HS3ST3A1: variants seen among roughly 807,000 people sequenced by gnomAD.
The protein encoded by HS3ST3A1 is heparan sulfate-glucosamine 3-sulfotransferase 3A1, also known as heparan sulfate glucosamine 3-O-sulfotransferase 3A1.
In HS3ST3A1, 19 loss-of-function variants were observed where a neutral mutation model predicts 25.7. The observed-to-expected ratio is 0.74, with a 90% confidence interval of 0.52 to 1.08. The LOEUF (loss-of-function observed/expected upper bound fraction) is 1.08. Ranked by LOEUF, HS3ST3A1 falls within the 50% of genes least tolerant of loss-of-function variation. The pLI, the probability that HS3ST3A1 is intolerant of heterozygous loss-of-function variation, is 0.00. For synonymous variants in HS3ST3A1, 226 were observed against 278.6 expected, an observed-to-expected ratio of 0.81 and a Z score of 1.88; for missense variants, 459 against 594.3, an observed-to-expected ratio of 0.77 and a Z score of 2.37.
chr17:13,562,340 G>C (rs1217897047), intron 1 of HS3ST3A1, among the ~76,000 whole-genome samples: 2 of 152,138 alleles, frequency 1.3e-5, no homozygotes, highest in Non-Finnish European at 2.9e-5. Context: ...GTGTGCCGTG[G>C]ACAGACAGAC....
At chr17:13,577,545 C>T (rs9891162) in intron 1 of HS3ST3A1, among the ~76,000 whole-genome samples, 58,911 of 152,042 alleles carry the variant, frequency 0.39, 13,476 homozygotes, top group Admixed American at 0.54. Context: ...AACAGTCATA[C>T]CCACAAGCTT....
At chr17:13,568,193 A>T (rs1426124606) in intron 1 of HS3ST3A1, among the ~76,000 whole-genome samples, 1 of 152,236 alleles carries the variant, frequency 6.6e-6, no homozygotes, top group Non-Finnish European at 1.5e-5. Flanking sequence ...TCAGCTGATC[A>T]TTAGTACTTT....
At chr17:13,524,717 G>A (rs1002094971) in intron 1 of HS3ST3A1, among the ~76,000 whole-genome samples, 1 of 152,144 alleles carries the variant, frequency 6.6e-6, no homozygotes, top group African/African-American at 2.4e-5. Flanking sequence ...TGGTACAATA[G>A]TTATAGAAGG....
intron 1 of HS3ST3A1, among the ~76,000 whole-genome samples, chr17:13,580,840 G>A (rs1350148978): frequency 6.6e-6 from 1 of 152,026 alleles, no homozygotes; most frequent in Non-Finnish European, 1.5e-5. Context: ...GTCGTGAGCC[G>A]AGATCACGCC....
chr17:13,551,403 A>G (rs1374221421), intron 1 of HS3ST3A1, among the ~76,000 whole-genome samples: 1 of 151,308 alleles, frequency 6.6e-6, no homozygotes, highest in Non-Finnish European at 1.5e-5. Context: ...AAAAATAAAT[A>G]CAGGATCACC....
chr17:13,575,111 T>C (rs7219427), intron 1 of HS3ST3A1, among the ~76,000 whole-genome samples: 8,760 of 152,164 alleles, frequency 0.058, 845 homozygotes, highest in African/African-American at 0.2. Context: ...CCCATTTGCT[T>C]TAGCATACCA....
chr17:13,529,891 C>A (rs1490905964), intron 1 of HS3ST3A1, among the ~76,000 whole-genome samples: 1 of 151,934 alleles, frequency 6.6e-6, no homozygotes, highest in African/African-American at 2.4e-5. Flanking sequence ...CCAATTCAGT[C>A]ATCATGAATT....
At chr17:13,599,663 T>C in intron 1 of HS3ST3A1, among the ~76,000 whole-genome samples, 1 of 152,208 alleles carries the variant, frequency 6.6e-6, no homozygotes, top group African/African-American at 2.4e-5. Context: ...GCTGATTTTA[T>C]TATTAAAGGT....
At chr17:13,593,612 C>T (rs11650199) in intron 1 of HS3ST3A1, among the ~76,000 whole-genome samples, 60,322 of 152,060 alleles carry the variant, frequency 0.4, 14,122 homozygotes, top group Admixed American at 0.52. Flanking sequence ...AAAGAAGAAA[C>T]ACGGAATAAA....
At chr17:13,558,309 T>C (rs558060129) in intron 1 of HS3ST3A1, among the ~76,000 whole-genome samples, 1 of 152,002 alleles carries the variant, frequency 6.6e-6, no homozygotes, top group Non-Finnish European at 1.5e-5. Flanking sequence ...AAACAAAAAT[T>C]GGATGTGCAA....
intron 1 of HS3ST3A1, among the ~76,000 whole-genome samples, chr17:13,523,368 C>T (rs1906309405): frequency 6.6e-6 from 1 of 152,052 alleles, no homozygotes; most frequent in Admixed American, 6.5e-5. Context: ...ATGGGTAAGA[C>T]AAAGCCTGGA....
chr17:13,595,590 C>T (rs1275190646), intron 1 of HS3ST3A1, among the ~76,000 whole-genome samples: 1 of 152,078 alleles, frequency 6.6e-6, no homozygotes, highest in Non-Finnish European at 1.5e-5. Context: ...AATAAGAAAC[C>T]TTATGTTCAC....
rs116689541 is a variant in HS3ST3A1, at chr17:13,587,642, T to G, written c.599+12889A>C. Among the ~76,000 whole-genome samples, 1,517 of 151,840 alleles carry G rather than the reference T, an allele frequency of 1.0e-2. 22 individuals are homozygous for G. The highest frequency in any genetic ancestry group is 0.035 in the African/African-American group (1,435 of 41,390). On this transcript the variant is annotated intron_variant, in intron 1 of 1. Coordinates refer to ENST00000284110, the MANE Select transcript of HS3ST3A1 (RefSeq NM_006042.3). Reference sequence around the variant, plus strand: ...ATGATTCATATGGTACCCAGGCATCTAAAGGAAAAAGAGAGAGCAGGGGAT... The same window carrying G: ...ATGATTCATATGGTACCCAGGCATCGAAAGGAAAAAGAGAGAGCAGGGGAT...
At chr17:13,582,492 C>T (rs1908141995) in intron 1 of HS3ST3A1, among the ~76,000 whole-genome samples, 1 of 152,176 alleles carries the variant, frequency 6.6e-6, no homozygotes, top group Non-Finnish European at 1.5e-5. Flanking sequence ...AATCAATATA[C>T]TCATGTAGCT....
chr17:13,593,415 G>C (rs1471659330), intron 1 of HS3ST3A1, among the ~76,000 whole-genome samples: 1 of 152,096 alleles, frequency 6.6e-6, no homozygotes, highest in African/African-American at 2.4e-5. Flanking sequence ...TGCCATAGAA[G>C]ACAGAAAGAA....
intron 1 of HS3ST3A1, among the ~76,000 whole-genome samples, chr17:13,544,774 G>GA (rs11459574): frequency 0.87 from 128,639 of 147,752 alleles, 56,152 homozygotes; most frequent in African/African-American, 0.96. Flanking sequence ...AACCCTCCAG[G>GA]AAAAAAAAAA....
chr17:13,561,728 C>T (rs1230454400), intron 1 of HS3ST3A1, among the ~76,000 whole-genome samples: 3 of 152,082 alleles, frequency 2.0e-5, no homozygotes, highest in Admixed American at 6.6e-5. Context: ...CACAATGTGT[C>T]AGACCTCCCA....
chr17:13,588,123 C>G (rs946103709), intron 1 of HS3ST3A1, among the ~76,000 whole-genome samples: 1 of 152,148 alleles, frequency 6.6e-6, no homozygotes, highest in Admixed American at 6.6e-5. Context: ...TAGTTTGGGT[C>G]AATAAAGTTT....
At chr17:13,515,604 T>TAAC (rs2142312111) in intron 1 of HS3ST3A1, among the ~76,000 whole-genome samples, 1 of 152,210 alleles carries the variant, frequency 6.6e-6, no homozygotes, top group South Asian at 2.1e-4. Context: ...GAACTGTTAT[T>TAAC]AACATTTTGC....
Sources: allele counts gnomAD v4.1 joint callset (sites outside exome capture counted in the v4.1 genomes callset), GRCh38; gene constraint gnomAD v4.1.1; transcripts MANE v1.5; gene names NCBI Gene and HGNC (gene_info 2026-07-23, HGNC 2026-07-21).